Variants in TMTC2 observed in about 807,000 individuals in gnomAD.
TMTC2 encodes protein O-mannosyl-transferase TMTC2.
In TMTC2, 43 loss-of-function variants were observed where a neutral mutation model predicts 82.4. That is an observed-to-expected ratio of 0.52 (90% CI 0.41 to 0.67). The LOEUF is 0.67. Among genes scored for constraint, TMTC2 ranks in the 30% least tolerant of loss-of-function variants. The pLI is 0.00. For synonymous variants in TMTC2, 408 were observed against 381.9 expected (o/e 1.07, Z -0.80); for missense variants, 919 against 1,012.4 (o/e 0.91, Z 1.25).
chr12:82,934,011 T>C (rs1007688672), intron 4 of TMTC2, among the ~76,000 whole-genome samples: 1 of 152,192 alleles, frequency 6.6e-6, no homozygotes, highest in African/African-American at 2.4e-5. Flanking sequence ...TTAATTTTTT[T>C]TCTTTAGTAG....
chr12:82,913,072 T>C (rs892912183), intron 3 of TMTC2, among the ~76,000 whole-genome samples: 1 of 152,134 alleles, frequency 6.6e-6, no homozygotes, highest in African/African-American at 2.4e-5. Context: ...TACAAACCCA[T>C]GTATTCTGCA....
chr12:82,748,169 G>C, intron 1 of TMTC2, among the ~76,000 whole-genome samples: 1 of 152,160 alleles, frequency 6.6e-6, no homozygotes, highest in East Asian at 1.9e-4. Context: ...AAATTAGCCA[G>C]GTGTGGTGGC....
intron 1 of TMTC2, among the ~76,000 whole-genome samples, chr12:82,853,300 A>C (rs1871081457): frequency 6.6e-6 from 1 of 152,008 alleles, no homozygotes; most frequent in Admixed American, 6.6e-5. Context: ...ATGGGGTTTC[A>C]CCATGTTGGT....
At chr12:82,819,589 C>A (rs993675044) in intron 1 of TMTC2, among the ~76,000 whole-genome samples, 3 of 150,778 alleles carry the variant, frequency 2.0e-5, no homozygotes, top group Non-Finnish European at 3.0e-5. Flanking sequence ...GCAGCCTCCA[C>A]CTCCCAGGTC....
At chr12:82,739,429 C>T (rs951050345) in intron 1 of TMTC2, among the ~76,000 whole-genome samples, 1 of 151,880 alleles carries the variant, frequency 6.6e-6, no homozygotes, top group African/African-American at 2.4e-5. Context: ...TTTCCCACTG[C>T]CTGAAATGCC....
At chr12:82,815,502 C>T (rs1047975792) in intron 1 of TMTC2, among the ~76,000 whole-genome samples, 4 of 151,590 alleles carry the variant, frequency 2.6e-5, no homozygotes, top group Non-Finnish European at 5.9e-5. Flanking sequence ...TTAGTAGAGA[C>T]GGGGTTTCAC....
intron 2 of TMTC2, among the ~76,000 whole-genome samples, chr12:82,859,412 G>A (rs1313198213): frequency 2.0e-5 from 3 of 152,048 alleles, no homozygotes; most frequent in East Asian, 3.9e-4. Context: ...ATAAGTTAGG[G>A]AATTATTTGG....
intron 11 of TMTC2, among the ~76,000 whole-genome samples, chr12:83,064,154 G>C (rs1279444087): frequency 6.6e-6 from 1 of 151,652 alleles, no homozygotes; most frequent in Non-Finnish European, 1.5e-5. Flanking sequence ...CAAGTGGTTG[G>C]TCAAATGACC....
intron 11 of TMTC2, among the ~76,000 whole-genome samples, chr12:83,073,565 A>C (rs1158976468): frequency 1.3e-5 from 2 of 152,150 alleles, no homozygotes; most frequent in Admixed American, 6.5e-5. Context: ...TATTTCCCCA[A>C]ATATGTTTTC....
chr12:82,763,132 T>G (rs1482646685), intron 1 of TMTC2, among the ~76,000 whole-genome samples: 1 of 151,960 alleles, frequency 6.6e-6, no homozygotes, highest in Non-Finnish European at 1.5e-5. Flanking sequence ...ATAAAATGCT[T>G]TCATCCCTAA....
At chr12:82,763,239 A>T (rs1270049371) in intron 1 of TMTC2, among the ~76,000 whole-genome samples, 6 of 143,178 alleles carry the variant, frequency 4.2e-5, no homozygotes. Context: ...TCTGAGCCAC[A>T]AACTGAATAG....
chr12:82,798,113 G>A (rs1273848226), intron 1 of TMTC2, among the ~76,000 whole-genome samples: 1 of 150,350 alleles, frequency 6.7e-6, no homozygotes. Flanking sequence ...CTGCCAGGAC[G>A]CCCGGCTAAT....
At chr12:82,956,703 CT>C (rs1157716877) in intron 4 of TMTC2, among the ~76,000 whole-genome samples, 1 of 152,114 alleles carries the variant, frequency 6.6e-6, no homozygotes, top group Non-Finnish European at 1.5e-5. Flanking sequence ...ATCCGCCCGC[CT>C]TTGCCTCCCA....
chr12:82,785,899 G>A (rs17724637), intron 1 of TMTC2, among the ~76,000 whole-genome samples: 33,913 of 151,926 alleles, frequency 0.22, 4,288 homozygotes, highest in Middle Eastern at 0.4. Context: ...AGAAGTTTAT[G>A]TCACCATCTC....
At chr12:82,786,157 A>G (rs549548396) in intron 1 of TMTC2, among the ~76,000 whole-genome samples, 17 of 152,228 alleles carry the variant, frequency 1.1e-4, no homozygotes, top group Non-Finnish European at 2.1e-4. Flanking sequence ...CTAAGAAGCC[A>G]TAGAGAAAAT....
intron 1 of TMTC2, among the ~76,000 whole-genome samples, chr12:82,809,972 G>GTAT (rs1302309836): frequency 1.3e-5 from 2 of 152,034 alleles, no homozygotes; most frequent in Non-Finnish European, 2.9e-5. Context: ...GGTCCTTTCT[G>GTAT]TATATATCAT....
chr12:82,833,686 T>G (rs928103483), intron 1 of TMTC2, among the ~76,000 whole-genome samples: 1 of 152,188 alleles, frequency 6.6e-6, no homozygotes, highest in African/African-American at 2.4e-5. Flanking sequence ...CAGTAATGCA[T>G]TCAAGATTTT....
intron 4 of TMTC2, among the ~76,000 whole-genome samples, chr12:82,962,956 A>G (rs1878008001): frequency 6.6e-6 from 1 of 152,040 alleles, no homozygotes; most frequent in Non-Finnish European, 1.5e-5. Flanking sequence ...CCCAGGAAAT[A>G]CAGAGTTTCA....
intron 1 of TMTC2, among the ~76,000 whole-genome samples, chr12:82,735,580 T>C (rs185953913): frequency 0.03 from 4,599 of 151,702 alleles, 152 homozygotes; most frequent in South Asian, 0.14. Context: ...CTCCTGACCT[T>C]GTGATCCGCC....
Sources: gnomAD v4.1 joint callset for allele counts (sites outside exome capture counted in the v4.1 genomes callset) on GRCh38, gnomAD v4.1.1 for gene constraint, MANE v1.5 for transcripts, NCBI Gene and HGNC (gene_info 2026-07-23, HGNC 2026-07-21) for gene names.